Variants in GRM5 observed in about 807,000 individuals in gnomAD.
GRM5 encodes the protein glutamate metabotropic receptor 5, also known as metabotropic glutamate receptor 5.
GRM5 carries 19 observed loss-of-function variants against 83.1 expected under a neutral mutation model. That is an observed-to-expected ratio of 0.23 (90% CI 0.16 to 0.34). The LOEUF is 0.34. Among genes scored for constraint, GRM5 ranks in the 10% least tolerant of loss-of-function variants. GRM5 has a pLI of 1.00. For missense variants in GRM5, 1,160 were observed against 1,588.3 expected (o/e 0.73, Z 4.58); for synonymous variants, 675 against 633.6 (o/e 1.07, Z -0.98).
chr11:88,936,786 C>T (rs1327338121), intron 2 of GRM5, among the ~76,000 whole-genome samples: 1 of 151,650 alleles, frequency 6.6e-6, no homozygotes, highest in Non-Finnish European at 1.5e-5. Flanking sequence ...ATTGAAAAAG[C>T]CCAATCACTT....
Position 88,651,330 on chromosome 11 carries a change from A to C in GRM5, c.1147+1838T>G, listed in dbSNP as rs551213188. Among the ~76,000 whole-genome samples the C allele has an allele frequency of 2.0e-5, 3 of 152,148 alleles. No homozygotes were observed. In the East Asian group the frequency reaches 5.8e-4, roughly 29 times the overall value. ...AAGAAAGAGGGTGCAGGCCAACTGG[A>C]AAAATTCCCTTAAATATACCGGTTA... On this transcript the variant is annotated intron_variant, in intron 4 of 9. Coordinates refer to ENST00000305447, the MANE Select transcript of GRM5 (RefSeq NM_001143831.3).
chr11:88,647,676 T>C (rs1365630996), intron 4 of GRM5, among the ~76,000 whole-genome samples: 2 of 152,038 alleles, frequency 1.3e-5, no homozygotes, highest in Non-Finnish European at 2.9e-5. Context: ...ACTCAAGAGC[T>C]TCTGCACAGC....
At chr11:88,817,636 G>A (rs1171338431) in intron 3 of GRM5, among the ~76,000 whole-genome samples, 1 of 152,042 alleles carries the variant, frequency 6.6e-6, no homozygotes, top group Non-Finnish European at 1.5e-5. Flanking sequence ...CTCTGAATGT[G>A]TTAGAAAACA....
chr11:89,048,772 T>C (rs750905730), intron 1 of GRM5, among the ~76,000 whole-genome samples: 4 of 152,128 alleles, frequency 2.6e-5, no homozygotes, highest in African/African-American at 4.8e-5. Context: ...ATCCCCCAAA[T>C]AGGCTGCAAG....
intron 2 of GRM5, among the ~76,000 whole-genome samples, chr11:88,882,248 G>GTAAGTAAA (rs1555033917): frequency 9.7e-5 from 14 of 143,990 alleles, no homozygotes; most frequent in African/African-American, 3.6e-4. Context: ...AAATAAGTAA[G>GTAAGTAAA]TAAATAAATA....
At chr11:88,896,573 A>G (rs543742) in intron 2 of GRM5, among the ~76,000 whole-genome samples, 47,864 of 151,590 alleles carry the variant, frequency 0.32, 7,896 homozygotes, top group Non-Finnish European at 0.37. Flanking sequence ...GGAAGCAAAA[A>G]AATCCCATAA....
intron 3 of GRM5, among the ~76,000 whole-genome samples, chr11:88,765,066 T>C (rs1942601616): frequency 1.3e-5 from 2 of 151,560 alleles, no homozygotes; most frequent in African/African-American, 4.8e-5. Context: ...AAGAGTATTA[T>C]GAATAATTGT....
chr11:88,762,113 T>C (rs1450256257), intron 3 of GRM5, among the ~76,000 whole-genome samples: 1 of 152,020 alleles, frequency 6.6e-6, no homozygotes, highest in African/African-American at 2.4e-5. Context: ...AATACCATTC[T>C]GGACATAGGA....
intron 3 of GRM5, among the ~76,000 whole-genome samples, chr11:88,674,761 T>A (rs1940281370): frequency 6.6e-6 from 1 of 151,920 alleles, no homozygotes; most frequent in Non-Finnish European, 1.5e-5. Flanking sequence ...TTGAACCTTA[T>A]TATCTCTCAC....
At chr11:88,848,097 T>C (rs1221508701) in intron 3 of GRM5, among the ~76,000 whole-genome samples, 1 of 152,184 alleles carries the variant, frequency 6.6e-6, no homozygotes, top group East Asian at 1.9e-4. Context: ...TTTTTTTTCT[T>C]TTCTGTTATT....
At chr11:89,009,537 G>A (rs1940623560) in intron 2 of GRM5, among the ~76,000 whole-genome samples, 1 of 152,098 alleles carries the variant, frequency 6.6e-6, no homozygotes, top group Admixed American at 6.6e-5. Flanking sequence ...AAGTATGTAT[G>A]AAATTGTGCA....
chr11:88,805,047 C>T (rs1007696310), intron 3 of GRM5, among the ~76,000 whole-genome samples: 10 of 152,158 alleles, frequency 6.6e-5, no homozygotes, highest in Non-Finnish European at 1.5e-5. Flanking sequence ...AGACTATTTC[C>T]TGTAAATGCA....
chr11:89,057,930 A>G (rs1941911504), intron 1 of GRM5, among the ~76,000 whole-genome samples: 1 of 152,156 alleles, frequency 6.6e-6, no homozygotes, highest in African/African-American at 2.4e-5. Context: ...TATAATTACT[A>G]CCTATGTTAC....
chr11:88,618,982 C>T (rs1221507953), intron 4 of GRM5, among the ~76,000 whole-genome samples: 1 of 152,092 alleles, frequency 6.6e-6, no homozygotes, highest in Non-Finnish European at 1.5e-5. Context: ...GAAAGGGCTG[C>T]TTTTCCTTCT....
In GRM5 at chr11:88,768,189, C is replaced by T. The variant is rs1942660682; in HGVS notation, c.911+81717G>A. 2.0e-5 allele frequency among the ~76,000 whole-genome samples: 3 copies of T among 151,996 alleles called. No individual in the cohort carries two copies. The East Asian group carries it at 5.8e-4, about 29-fold the overall frequency. ...GCCACAGTTAAAATGTGAAAGCAAC[C>T]CCAGTGCCCACTGATGGATGGACGG... On this transcript the variant is annotated intron_variant, in intron 3 of 9. Transcript: ENST00000305447.
chr11:89,009,133 A>G, intron 2 of GRM5: 1 of 706,322 alleles, frequency 1.4e-6, no homozygotes, highest in East Asian at 2.7e-5. Context: ...AAGATGTATA[A>G]GATAAGCAAA....
intron 2 of GRM5, among the ~76,000 whole-genome samples, chr11:88,915,425 A>C (rs1468048873): frequency 6.6e-6 from 1 of 152,052 alleles, no homozygotes; most frequent in Non-Finnish European, 1.5e-5. Context: ...ATTAGTGGAG[A>C]GCTGAAATGT....
At chr11:88,834,776 A>G (rs1944061502) in intron 3 of GRM5, among the ~76,000 whole-genome samples, 1 of 152,202 alleles carries the variant, frequency 6.6e-6, no homozygotes, top group Admixed American at 6.5e-5. Flanking sequence ...AAGAAAAGCT[A>G]TGAAATAGAC....
intron 3 of GRM5, among the ~76,000 whole-genome samples, chr11:88,718,550 CAT>C (rs748413125): frequency 6.6e-5 from 10 of 151,954 alleles, no homozygotes; most frequent in Non-Finnish European, 1.0e-4. Flanking sequence ...GAGGAGGAAA[CAT>C]ATTTTATTAA....
Sources: gnomAD v4.1 joint callset for allele counts (sites outside exome capture counted in the v4.1 genomes callset) on GRCh38, gnomAD v4.1.1 for gene constraint, MANE v1.5 for transcripts, NCBI Gene and HGNC (gene_info 2026-07-23, HGNC 2026-07-21) for gene names.